Variants in PRPSAP1 observed in about 807,000 individuals in gnomAD.
The protein encoded by PRPSAP1 is phosphoribosyl pyrophosphate synthetase associated protein 1.
In PRPSAP1, 31 loss-of-function variants were observed where a neutral mutation model predicts 39.4. That is an observed-to-expected ratio of 0.79 (90% CI 0.59 to 1.06). PRPSAP1 has a LOEUF of 1.06. Among genes scored for constraint, PRPSAP1 ranks in the 50% least tolerant of loss-of-function variants. PRPSAP1 has a pLI of 0.00. For synonymous variants in PRPSAP1, 212 were observed against 192.6 expected, an observed-to-expected ratio of 1.10 and a Z score of -0.83; for missense variants, 430 against 511.6, an observed-to-expected ratio of 0.84 and a Z score of 1.54.
intron 8 of PRPSAP1, 157 bp downstream of exon 8, chr17:76,313,664 T>G (rs1447260805): frequency 1.4e-6 from 1 of 711,856 alleles, no homozygotes; most frequent in African/African-American, 1.8e-5. Flanking sequence ...TTCACCTGGA[T>G]ACAGGTTTCT....
chr17:76,324,336 C>T (rs1052632346), intron 7 of PRPSAP1, among the ~76,000 whole-genome samples: 42 of 152,018 alleles, frequency 2.8e-4, no homozygotes, highest in Non-Finnish European at 5.1e-4. Context: ...CAGTGGCTCA[C>T]GCCTGTAATC....
intron 1 of PRPSAP1, 42 bp downstream of exon 1, chr17:76,353,492 G>A: frequency 6.8e-7 from 1 of 1,461,242 alleles, no homozygotes; most frequent in Non-Finnish European, 9.0e-7. Flanking sequence ...AGGAGAGCTA[G>A]GCGCCGCCGC....
chr17:76,344,556 G>A (rs1483642164), intron 3 of PRPSAP1, 115 bp downstream of exon 3: 33 of 957,282 alleles, frequency 3.4e-5, no homozygotes, highest in East Asian at 1.8e-4. Context: ...TGAGCCACAC[G>A]CCCGGCCTGA....
chr17:76,318,612 G>A (rs1471589114), intron 7 of PRPSAP1, among the ~76,000 whole-genome samples: 5 of 152,168 alleles, frequency 3.3e-5, no homozygotes, highest in Non-Finnish European at 7.3e-5. Flanking sequence ...ACACAGATGT[G>A]AGGCATATTT....
chr17:76,326,540 C>T (rs2071257882), intron 7 of PRPSAP1, among the ~76,000 whole-genome samples: 1 of 152,144 alleles, frequency 6.6e-6, no homozygotes, highest in African/African-American at 2.4e-5. Flanking sequence ...TGAATCTAAT[C>T]CTGAGGACAC....
intron 3 of PRPSAP1, among the ~76,000 whole-genome samples, chr17:76,336,813 C>T (rs2071384757): frequency 6.6e-6 from 1 of 151,762 alleles, no homozygotes; most frequent in Non-Finnish European, 1.5e-5. Flanking sequence ...TCAACATCCT[C>T]CAGCCCAACG....
chr17:76,348,670 T>A (rs2071536742), intron 1 of PRPSAP1, 89 bp from the exon 2 acceptor site: 1 of 971,508 alleles, frequency 1.0e-6, no homozygotes, highest in Non-Finnish European at 1.5e-6. Flanking sequence ...ATAAAAAGAC[T>A]CAAATAATTA....
In PRPSAP1 at chr17:76,314,236, T is replaced by G; in HGVS notation, c.782-345A>C. 104 of 235,750 alleles carry G rather than the reference T, an allele frequency of 4.4e-4. 1 individual carries two copies. The highest frequency in any genetic ancestry group is 1.6e-3 in the Middle Eastern group (1 of 608). 14.6% of individuals were successfully genotyped at this position (235,750 alleles called of 1,614,324 possible). ...TGTATGTATGTATGTATGTATTTTT[T>G]GAGACGGAGTTTTGCTCTTGTTGCC... On this transcript the variant is annotated intron_variant, in intron 7 of 9. Coordinates refer to ENST00000446526, the MANE Select transcript of PRPSAP1 (RefSeq NM_002766.3).
At chr17:76,325,399 G>T (rs1389206043) in intron 7 of PRPSAP1, among the ~76,000 whole-genome samples, 1 of 90,656 alleles carries the variant, frequency 1.1e-5, no homozygotes, top group African/African-American at 4.3e-5. Context: ...ACAGAGCGAG[G>T]AGACTCAGTC....
chr17:76,339,476 C>T (rs1339760321), intron 3 of PRPSAP1, among the ~76,000 whole-genome samples: 1 of 151,830 alleles, frequency 6.6e-6, no homozygotes, highest in Admixed American at 6.6e-5. Context: ...CACACCCACA[C>T]AAAACAACAC....
At chr17:76,319,146 G>A (rs1259137340) in intron 7 of PRPSAP1, among the ~76,000 whole-genome samples, 2 of 151,798 alleles carry the variant, frequency 1.3e-5, no homozygotes, top group South Asian at 2.1e-4. Flanking sequence ...CACCATGTTT[G>A]TCAGGCTGGT....
chr17:76,330,501 A>C (rs764905415), intron 5 of PRPSAP1, 50 bp downstream of exon 5: 1 of 1,384,826 alleles, frequency 7.2e-7, no homozygotes, highest in Non-Finnish European at 1.0e-6. Context: ...GAGAAAAACT[A>C]AATAAGATCT....
chr17:76,336,450 A>AC (rs2071380495), intron 3 of PRPSAP1, among the ~76,000 whole-genome samples: 1 of 145,704 alleles, frequency 6.9e-6, no homozygotes, highest in South Asian at 2.2e-4. Flanking sequence ...AAAAAAAAAA[A>AC]GGCCAGGCAC....
In PRPSAP1 at chr17:76,310,510, G is replaced by C. The variant is rs2071059969; in HGVS notation, c.*1032C>G. ...AGACAGGGTGTTGCTCTGTCACCCA[G>C]GATGGATGGCAGTGGTACAATCATA... On this transcript the variant is annotated 3_prime_UTR_variant, in exon 10 of 10. Transcript: ENST00000446526. 2 of 151,418 alleles carry C rather than the reference G, an allele frequency of 1.3e-5. No individual in the cohort carries two copies. Among genetic ancestry groups the C allele is most frequent in the Admixed American group, 6.6e-5 (1 of 15,156 alleles). The allele number at this position is 151,418 out of a possible 1,614,324, so 9.4% of individuals were successfully genotyped here.
At chr17:76,313,268 A>G (rs1315862774) in intron 8 of PRPSAP1, 6 of 374,820 alleles carry the variant, frequency 1.6e-5, no homozygotes, top group African/African-American at 6.3e-5. Context: ...AGGATTGCCA[A>G]CACTCATTTT....
At position 76,326,566 on chromosome 17, in the gene PRPSAP1, A is replaced by T. The variant is rs150736632; in HGVS notation, c.781+2151T>A. The stretch of plus-strand genomic sequence containing the variant: ...CTGAGGACACAAACAAGCCCCAATT[A>T]AGGGAGAGTCTACAAAATCACTTGA... On this transcript the variant is annotated intron_variant, in intron 7 of 9. Coordinates refer to ENST00000446526, the MANE Select transcript of PRPSAP1 (RefSeq NM_002766.3). 4.5e-3 allele frequency among the ~76,000 whole-genome samples: 690 copies of T among 152,320 alleles called. 6 individuals carry two copies. The highest frequency in any genetic ancestry group is 0.016 in the African/African-American group (655 of 41,564).
Position 76,326,618 on chromosome 17 carries a change from A to G in PRPSAP1, c.781+2099T>C, listed in dbSNP as rs1185003010. ...CGCACTGTTCAAAAGTATCAAGGTCATAAGAAACAAAGAATAAAGCAGCCA... is the reference window on the plus strand; with the variant it reads ...CGCACTGTTCAAAAGTATCAAGGTCGTAAGAAACAAAGAATAAAGCAGCCA... On this transcript the variant is annotated intron_variant, in intron 7 of 9. Transcript: ENST00000446526. Among the ~76,000 whole-genome samples, 4 of 152,352 alleles carry G rather than the reference A, an allele frequency of 2.6e-5. No individual in the cohort carries two copies. In the South Asian group the frequency reaches 6.2e-4, roughly 24 times the overall value.
At chr17:76,338,425 G>A (rs187870714) in intron 3 of PRPSAP1, among the ~76,000 whole-genome samples, 7 of 152,258 alleles carry the variant, frequency 4.6e-5, no homozygotes, top group African/African-American at 7.2e-5. Context: ...AAACCAGGTC[G>A]GGCACAGTGG....
chr17:76,342,092 C>T (rs2071445689), intron 3 of PRPSAP1, among the ~76,000 whole-genome samples: 1 of 152,162 alleles, frequency 6.6e-6, no homozygotes. Flanking sequence ...TACCACAGGG[C>T]ATGGACCCTC....
Sources: allele counts gnomAD v4.1 joint callset (sites outside exome capture counted in the v4.1 genomes callset), GRCh38; gene constraint gnomAD v4.1.1; transcripts MANE v1.5; gene names NCBI Gene and HGNC (gene_info 2026-07-23, HGNC 2026-07-21).